Variants in KCTD8 observed in about 807,000 individuals in gnomAD.
KCTD8 encodes potassium channel tetramerization domain containing 8.
KCTD8 carries 27 observed loss-of-function variants against 31.5 expected under a neutral mutation model. That is an observed-to-expected ratio of 0.86 (90% confidence interval 0.63 to 1.18). The LOEUF (loss-of-function observed/expected upper bound fraction) is 1.18, where lower values mean the gene tolerates loss of function less well. Among genes scored for constraint, KCTD8 ranks in the 50% most tolerant of loss-of-function variants. The pLI is 0.00. For synonymous variants in KCTD8, 290 were observed against 280.0 expected, an observed-to-expected ratio of 1.04 and a Z score of -0.36; for missense variants, 658 against 647.7, an observed-to-expected ratio of 1.02 and a Z score of -0.17.
chr4:44,272,007 G>A (rs1716623848), intron 1 of KCTD8, among the ~76,000 whole-genome samples: 1 of 151,718 alleles, frequency 6.6e-6, no homozygotes, highest in African/African-American at 2.4e-5. Flanking sequence ...TCTATCAAAT[G>A]AAAATGAGAA....
rs139303136 is a variant in KCTD8, at chr4:44,220,631, T to C, written c.962-45381A>G. On this transcript the variant is annotated intron_variant, in intron 1 of 1. Transcript: ENST00000360029. ...ATGTATCTTGCCACATTACGTTCTT[T>C]GGGGCTTCTTAGTATTGAACAGAGA... Among the ~76,000 whole-genome samples, 423 of 152,298 alleles carry C rather than the reference T, an allele frequency of 2.8e-3. 3 individuals carry two copies. Among genetic ancestry groups the C allele is most frequent in the Non-Finnish European group, 3.4e-3 (228 of 68,024 alleles).
At chr4:44,266,246 C>G (rs564145624) in intron 1 of KCTD8, among the ~76,000 whole-genome samples, 1 of 151,960 alleles carries the variant, frequency 6.6e-6, no homozygotes, top group Non-Finnish European at 1.5e-5. Flanking sequence ...ATTCAACATT[C>G]TTAAAGAAAA....
In KCTD8 at chr4:44,309,252, C is replaced by G. The variant is rs373390156; in HGVS notation, c.962-134002G>C. On this transcript the variant is annotated intron_variant, in intron 1 of 1. Transcript: ENST00000360029. ...TGGGGTTTTTGCCATGTTGCCCAGG[C>G]AGTCTCGAACTCCTGAGCTCAAGCC... Among the ~76,000 whole-genome samples, 353 of 151,942 alleles carry G rather than the reference C, an allele frequency of 2.3e-3. 4 individuals are homozygous for G. The highest frequency in any genetic ancestry group is 8.1e-3 in the African/African-American group (335 of 41,468).
intron 1 of KCTD8, among the ~76,000 whole-genome samples, chr4:44,311,214 T>C (rs1239682158): frequency 6.6e-6 from 1 of 152,156 alleles, no homozygotes; most frequent in African/African-American, 2.4e-5. Flanking sequence ...AAAAATATTT[T>C]ATACCCATAA....
At chr4:44,334,386 T>C (rs1326534563) in intron 1 of KCTD8, among the ~76,000 whole-genome samples, 2 of 150,328 alleles carry the variant, frequency 1.3e-5, no homozygotes, top group Non-Finnish European at 3.0e-5. Flanking sequence ...AGAAATTAAA[T>C]TATACATGGT....
chr4:44,198,714 C>T (rs1714024597), intron 1 of KCTD8, among the ~76,000 whole-genome samples: 1 of 152,084 alleles, frequency 6.6e-6, no homozygotes, highest in African/African-American at 2.4e-5. Context: ...ACACTAAGGA[C>T]ATAGCTCACA....
intron 1 of KCTD8, among the ~76,000 whole-genome samples, chr4:44,402,354 T>C (rs1442209315): frequency 6.6e-6 from 1 of 152,222 alleles, no homozygotes; most frequent in Non-Finnish European, 1.5e-5. Flanking sequence ...AGAAGCTACT[T>C]CTTCTTAGCA....
At chr4:44,175,473 A>G (rs1713188097) in intron 1 of KCTD8, among the ~76,000 whole-genome samples, 1 of 152,226 alleles carries the variant, frequency 6.6e-6, no homozygotes, top group Non-Finnish European at 1.5e-5. Flanking sequence ...TCAAAACAAT[A>G]AAATTTGAGA....
intron 1 of KCTD8, among the ~76,000 whole-genome samples, chr4:44,368,616 T>C (rs1170274636): frequency 6.6e-6 from 1 of 152,122 alleles, no homozygotes; most frequent in Non-Finnish European, 1.5e-5. Context: ...AAGATAAATA[T>C]GGATTTTGGC....
intron 1 of KCTD8, among the ~76,000 whole-genome samples, chr4:44,301,060 G>C (rs1384681210): frequency 6.6e-6 from 1 of 151,708 alleles, no homozygotes; most frequent in East Asian, 1.9e-4. Flanking sequence ...CATTTTTTAT[G>C]GCTGCATAGT....
intron 1 of KCTD8, among the ~76,000 whole-genome samples, chr4:44,445,445 T>C (rs1387687139): frequency 2.0e-5 from 3 of 152,188 alleles, no homozygotes; most frequent in Non-Finnish European, 4.4e-5. Flanking sequence ...ACTCTGAAAG[T>C]AGTTATTCAT....
chr4:44,270,230 T>C (rs1716543711), intron 1 of KCTD8, among the ~76,000 whole-genome samples: 1 of 152,034 alleles, frequency 6.6e-6, no homozygotes, highest in Non-Finnish European at 1.5e-5. Flanking sequence ...GATGAGTTCA[T>C]GTCCTTTGTA....
intron 1 of KCTD8, among the ~76,000 whole-genome samples, chr4:44,327,031 A>G (rs1718458631): frequency 6.6e-6 from 1 of 151,958 alleles, no homozygotes; most frequent in South Asian, 2.1e-4. Flanking sequence ...GTTTCAGAAC[A>G]CTTTCAAGGA....
At position 44,263,536 on chromosome 4, in the gene KCTD8, G is replaced by A. The variant is rs575804075; in HGVS notation, c.962-88286C>T. ...GGATTATTATACAATTTAGTATTTT[G>A]TTTGATGTTAGAAAGAAGAGAATAG... On this transcript the variant is annotated intron_variant, in intron 1 of 1. Transcript: ENST00000360029. Among the ~76,000 whole-genome samples the A allele has an allele frequency of 1.1e-3, 162 of 152,144 alleles. 2 individuals carry two copies. The highest frequency in any genetic ancestry group is 2.8e-3 in the Admixed American group (43 of 15,266).
At chr4:44,178,543 G>A (rs1186284259) in intron 1 of KCTD8, among the ~76,000 whole-genome samples, 2 of 152,062 alleles carry the variant, frequency 1.3e-5, no homozygotes, top group Non-Finnish European at 2.9e-5. Flanking sequence ...AGGAATCTAT[G>A]ATTTTCATTC....
chr4:44,387,177 G>C (rs544214672), intron 1 of KCTD8, among the ~76,000 whole-genome samples: 2 of 151,836 alleles, frequency 1.3e-5, no homozygotes, highest in African/African-American at 4.8e-5. Flanking sequence ...GGAGGTGAAA[G>C]ATCTCTACAA....
At chr4:44,189,245 C>T (rs1161198371) in intron 1 of KCTD8, among the ~76,000 whole-genome samples, 3 of 152,138 alleles carry the variant, frequency 2.0e-5, no homozygotes, top group Non-Finnish European at 2.9e-5. Context: ...TAAAAAATTC[C>T]TATACTCAGC....
chr4:44,213,073 G>A (rs1714540861), intron 1 of KCTD8, among the ~76,000 whole-genome samples: 1 of 152,034 alleles, frequency 6.6e-6, no homozygotes, highest in African/African-American at 2.4e-5. Flanking sequence ...GAGTAGCTGG[G>A]TCTACAGGCG....
At chr4:44,284,889 C>T (rs1479883555) in intron 1 of KCTD8, among the ~76,000 whole-genome samples, 1 of 152,168 alleles carries the variant, frequency 6.6e-6, no homozygotes, top group Non-Finnish European at 1.5e-5. Context: ...CATCACTGGT[C>T]ATTAGAGAAA....
Sources: gnomAD v4.1 joint callset for allele counts (sites outside exome capture counted in the v4.1 genomes callset) on GRCh38, gnomAD v4.1.1 for gene constraint, MANE v1.5 for transcripts, NCBI Gene and HGNC (gene_info 2026-07-23, HGNC 2026-07-21) for gene names.